GALNT13: variants seen among roughly 807,000 people sequenced by gnomAD.
GALNT13 encodes UDP-GalNAc:polypeptide N-acetylgalactosaminyltransferase 13.
In GALNT13, 28 loss-of-function variants were observed where a neutral mutation model predicts 64.2. That is an observed-to-expected ratio of 0.44 (90% CI 0.32 to 0.60). GALNT13 has a LOEUF of 0.60. GALNT13 is among the 20% of genes least tolerant of loss of function. The probability of loss-of-function intolerance (pLI) is 0.05; values close to 1 mark genes in which losing one functional copy is unlikely to be tolerated. For missense variants in GALNT13, 577 were observed against 669.8 expected (o/e 0.86, Z 1.53); for synonymous variants, 214 against 224.6 (o/e 0.95, Z 0.42).
chr2:153,893,421 G>A (rs545287902), intron 1 of GALNT13, among the ~76,000 whole-genome samples: 13 of 151,828 alleles, frequency 8.6e-5, no homozygotes, highest in East Asian at 1.9e-4. Context: ...AACATGATAT[G>A]TATTTTTTGT....
chr2:153,083,678 CT>C, the GALNT13 span, among the ~76,000 whole-genome samples: 1 of 150,282 alleles, frequency 6.7e-6, no homozygotes, highest in East Asian at 1.9e-4. Flanking sequence ...TTTTCTCCCA[CT>C]TTGTGGGTTG....
chr2:154,008,823 T>G (rs1413220964), intron 3 of GALNT13, among the ~76,000 whole-genome samples: 3 of 152,228 alleles, frequency 2.0e-5, no homozygotes, highest in Admixed American at 2.0e-4. Flanking sequence ...TATACCTCAT[T>G]TTATTTATCC....
chr2:153,892,556 CAAAA>C (rs1205340313), intron 1 of GALNT13, among the ~76,000 whole-genome samples: 1 of 151,922 alleles, frequency 6.6e-6, no homozygotes, highest in African/African-American at 2.4e-5. Flanking sequence ...ACTTAAAAAA[CAAAA>C]AGACAAAATT....
chr2:153,801,653 T>C, the GALNT13 span, among the ~76,000 whole-genome samples: 8 of 152,122 alleles, frequency 5.3e-5, no homozygotes, highest in East Asian at 1.5e-3. Flanking sequence ...ATAATAATAA[T>C]GAAAAGTTTC....
chr2:154,082,210 G>C (rs1398513305), intron 3 of GALNT13, among the ~76,000 whole-genome samples: 2 of 151,586 alleles, frequency 1.3e-5, no homozygotes, highest in Admixed American at 1.3e-4. Flanking sequence ...TGAAACTGAA[G>C]TAATATATCT....
chr2:153,750,485 G>A, the GALNT13 span, among the ~76,000 whole-genome samples: 5 of 151,574 alleles, frequency 3.3e-5, no homozygotes, highest in African/African-American at 7.2e-5. Flanking sequence ...TTTTTATTAC[G>A]TTTTGATATT....
At chr2:154,008,482 G>T (rs1173427176) in intron 3 of GALNT13, among the ~76,000 whole-genome samples, 1 of 151,866 alleles carries the variant, frequency 6.6e-6, no homozygotes, top group East Asian at 1.9e-4. Context: ...TTGTTATATA[G>T]GTAAATTGTG....
the GALNT13 span, among the ~76,000 whole-genome samples, chr2:153,116,909 C>T: frequency 6.8e-6 from 1 of 147,554 alleles, no homozygotes; most frequent in South Asian, 2.2e-4. Context: ...ACACCATTCT[C>T]CTGCCTCAGC....
At chr2:153,920,148 C>T (rs1033212199) in intron 2 of GALNT13, among the ~76,000 whole-genome samples, 22 of 151,572 alleles carry the variant, frequency 1.5e-4, no homozygotes, top group African/African-American at 4.8e-4. Flanking sequence ...TAGGCCTCTT[C>T]GGATTCTCAG....
chr2:153,716,287 G>T, the GALNT13 span, among the ~76,000 whole-genome samples: 4 of 152,202 alleles, frequency 2.6e-5, no homozygotes, highest in Admixed American at 2.6e-4. Context: ...GCCCAGGATG[G>T]CTTTGAATGC....
At chr2:153,934,170 C>A (rs1386264568) in intron 2 of GALNT13, among the ~76,000 whole-genome samples, 3 of 152,108 alleles carry the variant, frequency 2.0e-5, no homozygotes, top group Non-Finnish European at 4.4e-5. Flanking sequence ...TAAATTATAT[C>A]TGTTGGATAA....
chr2:153,695,254 T>C, the GALNT13 span, among the ~76,000 whole-genome samples: 1 of 152,206 alleles, frequency 6.6e-6, no homozygotes, highest in Admixed American at 6.6e-5. Context: ...AATTAGATAT[T>C]CAGCATAAAC....
chr2:153,350,957 G>T, the GALNT13 span, among the ~76,000 whole-genome samples: 3 of 151,996 alleles, frequency 2.0e-5, no homozygotes, highest in Non-Finnish European at 2.9e-5. Context: ...AAAAAGTACT[G>T]CTCCAATTTT....
chr2:154,367,357 G>T (rs1254143881), intron 9 of GALNT13, among the ~76,000 whole-genome samples: 1 of 152,128 alleles, frequency 6.6e-6, no homozygotes, highest in African/African-American at 2.4e-5. Context: ...ATTAGCAAAT[G>T]GTCCAGAAGT....
the GALNT13 span, among the ~76,000 whole-genome samples, chr2:153,668,841 T>A: frequency 6.6e-6 from 1 of 152,288 alleles, no homozygotes; most frequent in Admixed American, 6.5e-5. Flanking sequence ...TCCAGAGGCC[T>A]GAGGGTTTGG....
At chr2:154,375,605 G>A (rs1697945731) in intron 9 of GALNT13, among the ~76,000 whole-genome samples, 1 of 152,070 alleles carries the variant, frequency 6.6e-6, no homozygotes, top group African/African-American at 2.4e-5. Context: ...AACCCACGCA[G>A]CCACCAAGAG....
At chr2:153,894,306 A>T (rs1366286704) in intron 1 of GALNT13, among the ~76,000 whole-genome samples, 2 of 152,128 alleles carry the variant, frequency 1.3e-5, no homozygotes, top group Non-Finnish European at 2.9e-5. Flanking sequence ...GGAATGGATG[A>T]TAGAGTATTC....
upstream of GALNT13, among the ~76,000 whole-genome samples, chr2:153,869,380 G>A (rs1685812929): frequency 6.6e-6 from 1 of 152,038 alleles, no homozygotes. Flanking sequence ...ATTGCATTTA[G>A]TAGTCATGGT....
At chr2:153,519,412 A>G in the GALNT13 span, among the ~76,000 whole-genome samples, 13 of 152,306 alleles carry the variant, frequency 8.5e-5, no homozygotes, top group East Asian at 2.3e-3. Context: ...AATTACAGTC[A>G]ACAGGATAGT....
Sources: allele counts gnomAD v4.1 joint callset (sites outside exome capture counted in the v4.1 genomes callset), GRCh38; gene constraint gnomAD v4.1.1; transcripts MANE v1.5; gene names NCBI Gene and HGNC (gene_info 2026-07-23, HGNC 2026-07-21).